The following ZAN variants were observed in gnomAD, a reference collection of about 807,000 sequenced individuals.
ZAN encodes zonadhesin, also known as zonadhesin (gene/pseudogene).
Under a neutral mutation model 286.2 loss-of-function variants are expected in ZAN, and 260 were observed. That is an observed-to-expected ratio of 0.91 (90% confidence interval 0.82 to 1.01). ZAN has a LOEUF of 1.01. ZAN is among the 50% of genes least tolerant of loss of function. The pLI is 0.00. For synonymous variants in ZAN, 1,368 were observed against 1,417.5 expected, an observed-to-expected ratio of 0.97 and a Z score of 0.79; for missense variants, 3,410 against 3,639.2, an observed-to-expected ratio of 0.94 and a Z score of 1.62.
intron 15 of ZAN, 27 bp from the exon 16 acceptor site, chr7:100,758,175 G>A (rs1187560675): frequency 6.2e-7 from 1 of 1,602,604 alleles, no homozygotes; most frequent in East Asian, 2.2e-5. Flanking sequence ...CTATATGACT[G>A]TGTGACCTCA....
At chr7:100,793,581 G>C (rs991754082) in intron 42 of ZAN, among the ~76,000 whole-genome samples, 1 of 151,948 alleles carries the variant, frequency 6.6e-6, no homozygotes, top group Admixed American at 6.6e-5. Flanking sequence ...GGTATTACAG[G>C]TGCCCGCCAC....
intron 44 of ZAN, among the ~76,000 whole-genome samples, chr7:100,794,973 G>T (rs1812253294): frequency 6.6e-6 from 1 of 151,848 alleles, no homozygotes; most frequent in Non-Finnish European, 1.5e-5. Context: ...AAAGGAGGAA[G>T]AAAGGAAGAG....
At chr7:100,765,660 T>G (rs2116029668) in intron 23 of ZAN, 106 bp downstream of exon 23, 1 of 1,392,968 alleles carries the variant, frequency 7.2e-7, no homozygotes, top group Middle Eastern at 2.6e-4. Flanking sequence ...TTGTTTTGTT[T>G]TGTTTTTGAG....
rs754628039 is a variant in ZAN at position 100,760,553 on chromosome 7, G to C, written c.3842+17G>C. ...TGTGTCCAGGTAAGGCAGTGTCCCA[G>C]CCAGGCAGCTGCCACTTCTTCCTGC... On this transcript the variant is annotated intron_variant, in intron 19 of 47. Transcript: ENST00000613979. The C allele has an allele frequency of 6.2e-7, 1 of 1,609,786 alleles. No individual in the cohort carries two copies. The highest frequency in any genetic ancestry group is 1.3e-5 in the African/African-American group (1 of 74,870).
At chr7:100,747,039 G>A (rs981280829) in intron 8 of ZAN, among the ~76,000 whole-genome samples, 8 of 151,976 alleles carry the variant, frequency 5.3e-5, no homozygotes, top group Admixed American at 3.3e-4. Context: ...AGCCGAGATC[G>A]CGCCACTGCA....
intron 28 of ZAN, 134 bp from the exon 29 acceptor site, chr7:100,771,710 G>A: frequency 1.1e-6 from 1 of 929,596 alleles, no homozygotes; most frequent in East Asian, 2.7e-5. Context: ...GGGATTACAG[G>A]TGTGAGCCAC....
Position 100,772,036 on chromosome 7 carries a change from C to G in ZAN, c.5425+16C>G, listed in dbSNP as rs1344797454. ...ACCTTCTGCCGTGAGTGACTGGCCA[C>G]CTGTTCCCACAGCCCATAGGCACCC... On this transcript the variant is annotated intron_variant, in intron 29 of 47. Transcript: ENST00000613979. 1.3e-6 allele frequency: 2 copies of G among 1,577,980 alleles called. No individual in the cohort carries two copies. The highest frequency in any genetic ancestry group is 1.7e-6 in the Non-Finnish European group (2 of 1,162,464).
chr7:100,747,028 G>A (rs1808271921), intron 8 of ZAN, among the ~76,000 whole-genome samples: 1 of 152,064 alleles, frequency 6.6e-6, no homozygotes, highest in Non-Finnish European at 1.5e-5. Context: ...AGGTTGCAGT[G>A]AGCCGAGATC....
At chr7:100,770,077 A>G in intron 28 of ZAN, 103 bp downstream of exon 28, 1 of 1,207,296 alleles carries the variant, frequency 8.3e-7, no homozygotes, top group Non-Finnish European at 1.2e-6. Context: ...AAACAGATGG[A>G]AAAGCATGAG....
intron 41 of ZAN, 114 bp from the exon 42 acceptor site, chr7:100,792,291 C>A: frequency 6.6e-7 from 1 of 1,512,658 alleles, no homozygotes; most frequent in Non-Finnish European, 8.9e-7. Flanking sequence ...TTGTGACCCT[C>A]ACTGGACACC....
rs1181089093 is a variant in ZAN at position 100,779,461 on chromosome 7, G to A, written c.6333G>A (p.Leu2111=). The change falls in exon 35 of 48, where the codon CTG becomes CTA. Residue 2111 remains leucine (L), a synonymous_variant. Coordinates refer to ENST00000613979, the MANE Select transcript of ZAN (RefSeq NM_003386.3). ...CCCTTCCCAGTTGTCAGAGTCTCCT[G>A]GTAGATGAGCAGCAGATTCCAGCGG... ...KDIDPSCQSL[L]VDEQQIPAEQ... is the part of the protein sequence containing the mutation. 1.9e-6 allele frequency: 3 copies of A among 1,606,720 alleles called. No individual in the cohort carries two copies. The highest frequency in any genetic ancestry group is 1.7e-6 in the Non-Finnish European group (2 of 1,175,970).
intron 31 of ZAN, among the ~76,000 whole-genome samples, chr7:100,774,917 GTTTT>G (rs34372256): frequency 0.41 from 45,801 of 112,438 alleles, 7,492 homozygotes; most frequent in Non-Finnish European, 0.47. Flanking sequence ...TGGCCCTGGG[GTTTT>G]TTGTTTGTTT....
Position 100,752,327 on chromosome 7 carries a change from C to T in ZAN, c.2222C>T (p.Pro741Leu), listed in dbSNP as rs775252086. ...STISPEKPTTPTEKPTIPTEK... is the reference protein window; with the variant it reads ...STISPEKPTTLTEKPTIPTEK... ...ATCTCCCCAGAAAAACCCACCACCC[C>T]CACAGAAAAACCCACCATCCCCACA... is the stretch of plus-strand genomic sequence containing the variant. The change falls in exon 14 of 48, where the codon CCC (proline) becomes CTC (leucine). Residue 741 changes from proline to leucine, a missense_variant. Pro to Leu is a moderately conservative substitution (Grantham distance 98). Coordinates refer to ENST00000613979, the MANE Select transcript of ZAN (RefSeq NM_003386.3). 11 of 1,567,452 alleles carry T rather than the reference C, an allele frequency of 7.0e-6. No homozygotes were observed. Among genetic ancestry groups the T allele is most frequent in the Non-Finnish European group, 9.5e-6 (11 of 1,152,536 alleles).
intron 34 of ZAN, 125 bp from the exon 35 acceptor site, chr7:100,779,321 T>G: frequency 1.1e-6 from 1 of 948,698 alleles, no homozygotes; most frequent in Non-Finnish European, 1.5e-6. Context: ...GAGGTTGCAG[T>G]GAGCTGAGAC....
rs761383290 is a variant in ZAN, at chr7:100,773,511, A to C, written c.5634+18A>C. ...ACCACCCGGTGAGAGGCCAGCTAGG[A>C]GGGGCCCCGCCCTTTCCAGGCCCAC... On this transcript the variant is annotated intron_variant, in intron 30 of 47. Coordinates refer to ENST00000613979, the MANE Select transcript of ZAN (RefSeq NM_003386.3). 6.2e-7 allele frequency: 1 copy of C among 1,611,724 alleles called. No homozygotes were observed. The highest frequency in any genetic ancestry group is 1.1e-5 in the South Asian group (1 of 90,928).
At chr7:100,778,088 G>A (rs1039649838) in intron 34 of ZAN, among the ~76,000 whole-genome samples, 2 of 151,740 alleles carry the variant, frequency 1.3e-5, no homozygotes, top group Non-Finnish European at 2.9e-5. Flanking sequence ...ATCACTTGAG[G>A]CCAGGAGTTT....
At position 100,793,932 on chromosome 7, in the gene ZAN, C is replaced by G. The variant is rs73411181; in HGVS notation, c.7900C>G (p.Arg2634Gly). The G allele has an allele frequency of 6.2e-7, 1 of 1,613,824 alleles. No individual in the cohort carries two copies. The highest frequency in any genetic ancestry group is 1.3e-5 in the African/African-American group (1 of 74,936). The change falls in exon 43 of 48, where the codon CGC (arginine) becomes GGC (glycine). Residue 2634 changes from arginine (R) to glycine (G), a missense_variant. Physicochemically the swap from Arg to Gly is moderately radical, Grantham distance 125 (BLOSUM62 -2). Transcript: ENST00000613979. Reference protein sequence around the residue: ...GLRGPLRGRLRQHPRLCLQWH... With the variant: ...GLRGPLRGRLGQHPRLCLQWH... ...GCGAGGGCCCCTGCGTGGAAGGCTG[C>G]GCCAGCATCCCAGGCTATGCCTACA... is the stretch of plus-strand genomic sequence containing the variant.
At chr7:100,784,239 C>T (rs1205834637) in intron 35 of ZAN, among the ~76,000 whole-genome samples, 1 of 150,852 alleles carries the variant, frequency 6.6e-6, no homozygotes, top group Non-Finnish European at 1.5e-5. Flanking sequence ...AAGTGATTCT[C>T]CTGCCTCAGC....
intron 6 of ZAN, among the ~76,000 whole-genome samples, chr7:100,738,154 A>G (rs1584543089): frequency 2.9e-5 from 4 of 139,672 alleles, no homozygotes; most frequent in Admixed American, 2.9e-4. Context: ...CCGGGGTTTC[A>G]TTGTGTTGGC....
Sources: allele counts gnomAD v4.1 joint callset (sites outside exome capture counted in the v4.1 genomes callset), GRCh38; gene constraint gnomAD v4.1.1; transcripts MANE v1.5; gene names NCBI Gene and HGNC (gene_info 2026-07-23, HGNC 2026-07-21).